Variants in PDXDC1 observed in about 807,000 individuals in gnomAD.
The protein encoded by PDXDC1 is pyridoxal-dependent decarboxylase domain-containing protein 1.
PDXDC1 carries 42 observed loss-of-function variants against 100.1 expected under a neutral mutation model. That is an observed-to-expected ratio of 0.42 (90% CI 0.33 to 0.54). The LOEUF (loss-of-function observed/expected upper bound fraction) is 0.54, where lower values mean the gene tolerates loss of function less well. Among genes scored for constraint, PDXDC1 ranks in the 20% least tolerant of loss-of-function variants. PDXDC1 has a pLI of 0.10. For missense variants in PDXDC1, 636 were observed against 979.2 expected (o/e 0.65, Z 4.68); for synonymous variants, 260 against 371.7 (o/e 0.70, Z 3.46).
intron 16 of PDXDC1, chr16:15,127,618 A>T: frequency 7.5e-7 from 1 of 1,331,256 alleles, no homozygotes; most frequent in South Asian, 1.3e-5. Flanking sequence ...AGAGGAGGCC[A>T]CACAGGTGAG....
At chr16:15,081,026 T>A (rs1404973910) in intron 16 of PDXDC1, among the ~76,000 whole-genome samples, 1 of 152,218 alleles carries the variant, frequency 6.6e-6, no homozygotes, top group African/African-American at 2.4e-5. Flanking sequence ...TCTTTTGGCA[T>A]GTTTTTAGGG....
chr16:15,058,598 G>C (rs758576381), intron 16 of PDXDC1, among the ~76,000 whole-genome samples: 2 of 151,854 alleles, frequency 1.3e-5, no homozygotes, highest in Admixed American at 1.3e-4. Flanking sequence ...ATGGTGGTGC[G>C]TACCTGTAGT....
At chr16:15,086,874 G>A (rs3954027) in intron 16 of PDXDC1, among the ~76,000 whole-genome samples, 1 of 152,158 alleles carries the variant, frequency 6.6e-6, no homozygotes, top group Admixed American at 6.5e-5. Flanking sequence ...AAACTCAGTC[G>A]AGGCTGATCA....
intron 16 of PDXDC1, among the ~76,000 whole-genome samples, chr16:15,065,716 G>A (rs1050545399): frequency 2.0e-5 from 3 of 152,052 alleles, no homozygotes; most frequent in Non-Finnish European, 4.4e-5. Context: ...CTTAGATTAC[G>A]TAACTATAGG....
intron 16 of PDXDC1, chr16:15,133,779 G>T: frequency 1.9e-6 from 3 of 1,589,002 alleles, no homozygotes; most frequent in Non-Finnish European, 2.6e-6. Context: ...CTCCCCCTAA[G>T]CAGGCCTGTA....
At chr16:15,065,509 T>C in intron 16 of PDXDC1, 1 of 653,122 alleles carries the variant, frequency 1.5e-6, no homozygotes, top group East Asian at 2.7e-5. Flanking sequence ...AATAACAATA[T>C]AAAGCAGAAA....
At chr16:15,026,016 G>A (rs1291747026) in intron 13 of PDXDC1, 1 of 152,650 alleles carries the variant, frequency 6.6e-6, no homozygotes, top group Non-Finnish European at 1.5e-5. Context: ...AGCTGTGCTT[G>A]TCTACATCAC....
intron 13 of PDXDC1, among the ~76,000 whole-genome samples, chr16:15,023,167 T>G (rs1412423798): frequency 6.6e-6 from 1 of 152,290 alleles, no homozygotes; most frequent in Non-Finnish European, 1.5e-5. Flanking sequence ...TCAGTTTTCA[T>G]TTGCATGAAG....
At chr16:15,144,585 T>G in the PDXDC1 span, among the ~76,000 whole-genome samples, 1 of 152,072 alleles carries the variant, frequency 6.6e-6, no homozygotes, top group South Asian at 2.1e-4. Context: ...ACACGGGGTG[T>G]GAGACTAGCC....
intron 17 of PDXDC1, 176 bp from the exon 18 acceptor site, chr16:15,032,683 CTT>C (rs1259120212): frequency 2.0e-5 from 7 of 355,096 alleles, no homozygotes; most frequent in Non-Finnish European, 2.0e-5. Flanking sequence ...TTTCCTGTGA[CTT>C]TCTCTTTACT....
chr16:15,034,775 C>T (rs1284192505), intron 21 of PDXDC1, among the ~76,000 whole-genome samples: 2 of 152,220 alleles, frequency 1.3e-5, no homozygotes, highest in Admixed American at 6.5e-5. Flanking sequence ...CCACTCTCCA[C>T]AGCTGTCACC....
chr16:15,047,144 C>T (rs1332891974), intron 16 of PDXDC1: 4 of 424,654 alleles, frequency 9.4e-6, no homozygotes, highest in Admixed American at 3.9e-5. Flanking sequence ...CTACCACACC[C>T]GGGGGAGAGC....
downstream of PDXDC1, chr16:15,041,069 A>G (rs1567755919): frequency 6.3e-7 from 1 of 1,595,730 alleles, no homozygotes; most frequent in Non-Finnish European, 8.6e-7. Context: ...ACTACTTACC[A>G]ATGCCATATA....
At chr16:14,982,047 C>CT (rs1350101601) in intron 1 of PDXDC1, among the ~76,000 whole-genome samples, 2 of 152,256 alleles carry the variant, frequency 1.3e-5, no homozygotes, top group Non-Finnish European at 2.9e-5. Context: ...CCAGGCTGGT[C>CT]TTGAACTCTG....
chr16:15,091,210 C>G, intron 16 of PDXDC1: 1 of 1,411,350 alleles, frequency 7.1e-7, no homozygotes, highest in Non-Finnish European at 9.7e-7. Flanking sequence ...AAGGGAGGAC[C>G]ATGGAGAGAG....
intron 12 of PDXDC1, 149 bp downstream of exon 12, chr16:15,019,114 T>G (rs1597550456): frequency 2.8e-6 from 3 of 1,087,428 alleles, no homozygotes; most frequent in South Asian, 1.7e-5. Context: ...ATGTAAATAT[T>G]TCTTGTTCAA....
chr16:15,048,328 G>A (rs996417804), intron 16 of PDXDC1, among the ~76,000 whole-genome samples: 3 of 152,180 alleles, frequency 2.0e-5, no homozygotes, highest in African/African-American at 7.2e-5. Flanking sequence ...TATGAAATCG[G>A]ATGTCATAGT....
chr16:15,083,379 A>G, intron 16 of PDXDC1: 3 of 1,392,232 alleles, frequency 2.2e-6, no homozygotes, highest in Non-Finnish European at 2.9e-6. Context: ...AGCTTGGGCG[A>G]CAGAGTGAGA....
chr16:15,129,874 C>A, intron 16 of PDXDC1: 1 of 753,034 alleles, frequency 1.3e-6, no homozygotes, highest in Non-Finnish European at 2.4e-6. Context: ...CCCCGCCGCG[C>A]CCCTCACCTG....
Sources: gnomAD v4.1 joint callset for allele counts (sites outside exome capture counted in the v4.1 genomes callset) on GRCh38, gnomAD v4.1.1 for gene constraint, MANE v1.5 for transcripts, NCBI Gene and HGNC (gene_info 2026-07-23, HGNC 2026-07-21) for gene names.